Variants in SENP5 observed in about 807,000 individuals in gnomAD.
SENP5 encodes SUMO specific peptidase 5, also known as sentrin-specific protease 5.
SENP5 carries 21 observed loss-of-function variants against 74.2 expected under a neutral mutation model. The ratio of observed to expected loss-of-function variants is 0.28; its 90% CI spans 0.20 to 0.41. The LOEUF (loss-of-function observed/expected upper bound fraction) is 0.41, where lower values mean the gene tolerates loss of function less well. Among genes scored for constraint, SENP5 ranks in the 10% least tolerant of loss-of-function variants. SENP5 has a pLI of 1.00. For synonymous variants in SENP5, 311 were observed against 312.7 expected (o/e 0.99, Z 0.06); for missense variants, 717 against 889.1 (o/e 0.81, Z 2.46).
chr3:196,911,697 C>T lies in SENP5; in HGVS notation c.1884+8087C>T, dbSNP rs1715140395. ...TGGTGGTGGGGGCCTGTAATCCCAGCTACTCGGGAGGCTGAGGCAGGAGAA... is the reference window on the plus strand; with the variant it reads ...TGGTGGTGGGGGCCTGTAATCCCAGTTACTCGGGAGGCTGAGGCAGGAGAA... On this transcript the variant is annotated intron_variant, in intron 6 of 9. Coordinates refer to ENST00000323460, the MANE Select transcript of SENP5 (RefSeq NM_152699.5). Among the ~76,000 whole-genome samples, 7 of 152,112 alleles carry T rather than the reference C, an allele frequency of 4.6e-5. No individual in the cohort carries two copies. The South Asian group carries it at 1.4e-3, about 31-fold the overall frequency.
chr3:196,914,934 A>G (rs1484523929), intron 6 of SENP5, among the ~76,000 whole-genome samples: 1 of 152,070 alleles, frequency 6.6e-6, no homozygotes, highest in Non-Finnish European at 1.5e-5. Context: ...TGCAGGAGGA[A>G]GAGCAAAATG....
intron 6 of SENP5, chr3:196,904,914 T>TCATC (rs1714842482): frequency 6.6e-6 from 1 of 152,198 alleles, no homozygotes; most frequent in South Asian, 2.1e-4. Flanking sequence ...ATTCATTCAT[T>TCATC]CATCATTTAT....
chr3:196,923,299 C>T (rs1715696701), intron 6 of SENP5, 115 bp from the exon 7 acceptor site: 14 of 1,119,086 alleles, frequency 1.3e-5, no homozygotes, highest in Non-Finnish European at 1.6e-5. Flanking sequence ...TGGTTCATTG[C>T]TTCCTACTTT....
At chr3:196,891,654 C>A (rs1201271987) in intron 2 of SENP5, among the ~76,000 whole-genome samples, 1 of 152,176 alleles carries the variant, frequency 6.6e-6, no homozygotes, top group Admixed American at 6.5e-5. Flanking sequence ...ATAAAATTAT[C>A]TGCATGTGGT....
chr3:196,922,337 G>A (rs1279933266), intron 6 of SENP5, among the ~76,000 whole-genome samples: 1 of 152,202 alleles, frequency 6.6e-6, no homozygotes, highest in Non-Finnish European at 1.5e-5. Context: ...ATTTGAACTT[G>A]AGCAGACTTG....
chr3:196,898,819 G>A (rs941896335), intron 2 of SENP5, among the ~76,000 whole-genome samples: 2 of 151,858 alleles, frequency 1.3e-5, no homozygotes, highest in South Asian at 4.2e-4. Flanking sequence ...GAGACCATTC[G>A]ATGATTGCAT....
rs575518979 is a variant in SENP5 at position 196,934,399 on chromosome 3, T to C, written c.*3476T>C. 1 of 152,204 alleles carries C rather than the reference T, an allele frequency of 6.6e-6. No individual in the cohort carries two copies. The highest frequency in any genetic ancestry group is 1.5e-5 in the Non-Finnish European group (1 of 68,030). 9.4% of individuals were successfully genotyped at this position (152,204 alleles called of 1,614,324 possible). The stretch of plus-strand genomic sequence containing the variant: ...TCAGCAAGACAGTGTATTAATAGTG[T>C]GAATTAGATACACTGATGACCTGCT... On this transcript the variant is annotated 3_prime_UTR_variant, in exon 10 of 10. Transcript: ENST00000323460.
chr3:196,876,525 A>G (rs1216264901), intron 1 of SENP5, among the ~76,000 whole-genome samples: 4 of 151,494 alleles, frequency 2.6e-5, no homozygotes, highest in South Asian at 2.1e-4. Context: ...CTCAAAAAAA[A>G]AAAAAAAAAG....
chr3:196,902,288 C>A (rs991803784), intron 5 of SENP5, among the ~76,000 whole-genome samples: 6 of 152,166 alleles, frequency 3.9e-5, no homozygotes, highest in African/African-American at 7.2e-5. Flanking sequence ...CTATACCCAG[C>A]TAGTTTATTT....
At chr3:196,878,678 G>A (rs949183936) in intron 1 of SENP5, among the ~76,000 whole-genome samples, 2 of 152,092 alleles carry the variant, frequency 1.3e-5, no homozygotes. Flanking sequence ...TGCAATCTCC[G>A]TCTCTCGGGT....
At chr3:196,925,646 G>A (rs1299378526) in intron 7 of SENP5, among the ~76,000 whole-genome samples, 3 of 152,196 alleles carry the variant, frequency 2.0e-5, no homozygotes, top group Non-Finnish European at 4.4e-5. Flanking sequence ...AGAAACATTC[G>A]CCTTCATGGA....
chr3:196,910,778 C>T lies in SENP5; in HGVS notation c.1884+7168C>T, dbSNP rs187807604. ...CCTGTATAGCCAAGACAATCCTAAG[C>T]AAAAAGAACAAAGCTGTAGGCATCA... On this transcript the variant is annotated intron_variant, in intron 6 of 9. Transcript: ENST00000323460. Among the ~76,000 whole-genome samples, 4 of 152,170 alleles carry T rather than the reference C, an allele frequency of 2.6e-5. No individual in the cohort carries two copies. The East Asian group carries it at 7.7e-4, about 29-fold the overall frequency.
At chr3:196,884,341 CAT>C (rs1223328481) in intron 1 of SENP5, among the ~76,000 whole-genome samples, 2 of 152,206 alleles carry the variant, frequency 1.3e-5, no homozygotes, top group Non-Finnish European at 2.9e-5. Flanking sequence ...AGCATACACA[CAT>C]ATACTGCAGG....
intron 2 of SENP5, among the ~76,000 whole-genome samples, chr3:196,886,923 TTA>T (rs1285277433): frequency 1.3e-5 from 2 of 152,178 alleles, no homozygotes; most frequent in Non-Finnish European, 2.9e-5. Flanking sequence ...TGCGATGAAA[TTA>T]TGTCTTTACA....
intron 2 of SENP5, among the ~76,000 whole-genome samples, chr3:196,889,287 C>G (rs1051263597): frequency 6.6e-6 from 1 of 151,890 alleles, no homozygotes; most frequent in Admixed American, 6.6e-5. Flanking sequence ...ATGATACTTA[C>G]ACCTGAAAAG....
chr3:196,930,739 T>C (rs1032062624), intron 9 of SENP5, 74 bp from the exon 10 acceptor site: 67 of 961,854 alleles, frequency 7.0e-5, no homozygotes, highest in Non-Finnish European at 1.0e-4. Flanking sequence ...TAGGTCTGCA[T>C]TTAGTAAAAC....
At chr3:196,891,095 A>G (rs527930545) in intron 2 of SENP5, among the ~76,000 whole-genome samples, 8 of 152,356 alleles carry the variant, frequency 5.3e-5, no homozygotes, top group East Asian at 1.9e-4. Flanking sequence ...TGGTATATCT[A>G]TACAATGGAA....
At chr3:196,876,529 AAAAAAG>A (rs1448477198) in intron 1 of SENP5, among the ~76,000 whole-genome samples, 13 of 151,676 alleles carry the variant, frequency 8.6e-5, no homozygotes, top group Middle Eastern at 6.8e-3. Context: ...AAAAAAAAAA[AAAAAAG>A]AAAAGAAAAA....
In SENP5 at chr3:196,932,573, AC is replaced by A. The variant is rs1285562843; in HGVS notation, c.*1651del. On this transcript the variant is annotated 3_prime_UTR_variant, in exon 10 of 10. Coordinates refer to ENST00000323460, the MANE Select transcript of SENP5 (RefSeq NM_152699.5). Reference sequence around the variant, plus strand: ...TACTGTGTTTCAAGTCGTTAAAAAGACTGAGAGTAGAGGCACTTTATGCTGC... The same window carrying A: ...TACTGTGTTTCAAGTCGTTAAAAAGATGAGAGTAGAGGCACTTTATGCTGC... 2.0e-5 allele frequency: 3 copies of A among 152,130 alleles called. No homozygotes were observed. The highest frequency in any genetic ancestry group is 4.4e-5 in the Non-Finnish European group (3 of 68,032). 9.4% of individuals were successfully genotyped at this position (152,130 alleles called of 1,614,324 possible). A position where few individuals can be genotyped will look rare whatever the true frequency, so the allele number is the denominator to read the frequency against.
Sources: gnomAD v4.1 joint callset for allele counts (sites outside exome capture counted in the v4.1 genomes callset) on GRCh38, gnomAD v4.1.1 for gene constraint, MANE v1.5 for transcripts, NCBI Gene and HGNC (gene_info 2026-07-23, HGNC 2026-07-21) for gene names.